PDE9A: variants seen among roughly 807,000 people sequenced by gnomAD.
The protein encoded by PDE9A is phosphodiesterase 9A.
In PDE9A, 60 loss-of-function variants were observed where a neutral mutation model predicts 87.4. That is an observed-to-expected ratio of 0.69 (90% CI 0.56 to 0.85). The LOEUF (loss-of-function observed/expected upper bound fraction) is 0.85. PDE9A is among the 40% of genes least tolerant of loss of function. PDE9A has a pLI of 0.00. For synonymous variants in PDE9A, 272 were observed against 279.4 expected (o/e 0.97, Z 0.27); for missense variants, 665 against 779.0 (o/e 0.85, Z 1.74).
At chr21:42,693,291 C>T (rs1464881589) in intron 3 of PDE9A, among the ~76,000 whole-genome samples, 1 of 146,554 alleles carries the variant, frequency 6.8e-6, no homozygotes, top group Non-Finnish European at 1.5e-5. Context: ...TTGCAACCAC[C>T]CAGGAATCTT....
chr21:42,684,619 G>A (rs1028519951), intron 1 of PDE9A, among the ~76,000 whole-genome samples: 1 of 152,236 alleles, frequency 6.6e-6, no homozygotes, highest in South Asian at 2.1e-4. Context: ...GGGAGCTCTG[G>A]GAGGAGCCAG....
intron 19 of PDE9A, among the ~76,000 whole-genome samples, chr21:42,773,673 T>C (rs369745693): frequency 7.5e-4 from 113 of 150,250 alleles, no homozygotes; most frequent in African/African-American, 2.2e-3. Context: ...TGGTGGCGGG[T>C]GCCTGTAGTC....
chr21:42,734,812 G>A (rs1242324013), intron 7 of PDE9A: 1 of 152,210 alleles, frequency 6.6e-6, no homozygotes, highest in African/African-American at 2.4e-5. Flanking sequence ...CCACAGAGAG[G>A]TTAGGTAACC....
rs920665897 is a variant in PDE9A, at chr21:42,743,868, C to A, written c.653+8C>A. 40 of 1,549,248 alleles carry A rather than the reference C, an allele frequency of 2.6e-5. No individual in the cohort carries two copies. Among genetic ancestry groups the A allele is most frequent in the Non-Finnish European group, 3.2e-5 (36 of 1,138,888 alleles). On this transcript the variant is annotated splice_region_variant and intron_variant, in intron 8 of 19. Transcript: ENST00000291539. Reference sequence around the variant, plus strand: ...GGCGGCCAGAAGCAGCAGGTAGGGTCTGCGCTGGGGCCACGGGCGGCCGGG... The same window carrying A: ...GGCGGCCAGAAGCAGCAGGTAGGGTATGCGCTGGGGCCACGGGCGGCCGGG...
chr21:42,662,502 C>T (rs1182942989), intron 1 of PDE9A, among the ~76,000 whole-genome samples: 1 of 151,380 alleles, frequency 6.6e-6, no homozygotes, highest in Non-Finnish European at 1.5e-5. Flanking sequence ...ACATGCACAT[C>T]ACACACACGC....
intron 4 of PDE9A, among the ~76,000 whole-genome samples, chr21:42,718,476 T>C (rs145442456): frequency 6.6e-6 from 1 of 151,932 alleles, no homozygotes; most frequent in East Asian, 1.9e-4. Flanking sequence ...AATCTTTTTT[T>C]TCTTTGCCCT....
chr21:42,760,953 G>A lies in PDE9A; in HGVS notation c.1085+46G>A, dbSNP rs1351049457. 1 of 1,235,640 alleles carries A rather than the reference G, an allele frequency of 8.1e-7. No homozygotes were observed. Among genetic ancestry groups the A allele is most frequent in the Non-Finnish European group, 1.2e-6 (1 of 835,740 alleles). 76.5% of individuals were successfully genotyped at this position (1,235,640 alleles called of 1,614,324 possible). A position where few individuals can be genotyped will look rare whatever the true frequency, so the allele number is the denominator to read the frequency against. ...TTTTTTCCTTTTAAAAGGCACCCTG[G>A]CTACTGGAGGGAACCTGTCAGCCCA... On this transcript the variant is annotated intron_variant, in intron 13 of 19. Coordinates refer to ENST00000291539, the MANE Select transcript of PDE9A (RefSeq NM_002606.3). This position sits in a 1 kb window ranked among gnomAD's most constrained non-coding sequence, Gnocchi z 5.2.
chr21:42,752,987 A>G (rs2401096), intron 9 of PDE9A, among the ~76,000 whole-genome samples: 152,088 of 152,180 alleles, frequency 1, 75,999 homozygotes, highest in Non-Finnish European at 1. Flanking sequence ...TTTTACCCCC[A>G]CACTTCACTT....
At chr21:42,657,763 T>C (rs1206600957) in intron 1 of PDE9A, among the ~76,000 whole-genome samples, 1 of 152,134 alleles carries the variant, frequency 6.6e-6, no homozygotes, top group Non-Finnish European at 1.5e-5. Context: ...GACTGAATGC[T>C]CCGGGGCCTC....
chr21:42,672,482 C>T (rs1402484229), intron 1 of PDE9A, among the ~76,000 whole-genome samples: 1 of 152,230 alleles, frequency 6.6e-6, no homozygotes, highest in Non-Finnish European at 1.5e-5. Flanking sequence ...AGTCACACAA[C>T]ATAAAACCAC....
At chr21:42,686,647 T>C (rs1016408687) in intron 2 of PDE9A, among the ~76,000 whole-genome samples, 4 of 152,140 alleles carry the variant, frequency 2.6e-5, no homozygotes, top group African/African-American at 9.7e-5. Context: ...AAATCTTGTC[T>C]CTACTAAAAA....
At chr21:42,736,157 T>TC (rs1569221263) in intron 7 of PDE9A, among the ~76,000 whole-genome samples, 1 of 151,478 alleles carries the variant, frequency 6.6e-6, no homozygotes, top group African/African-American at 2.4e-5. Context: ...CAGTGCCAGC[T>TC]CCCCCCATGC....
chr21:42,663,499 G>A (rs143949990), intron 1 of PDE9A, among the ~76,000 whole-genome samples: 168 of 152,324 alleles, frequency 1.1e-3, no homozygotes, highest in Admixed American at 2.5e-3. Context: ...TATACGTGCC[G>A]GAAGGGTGAA....
At chr21:42,661,144 G>A (rs1194253139) in intron 1 of PDE9A, among the ~76,000 whole-genome samples, 1 of 151,218 alleles carries the variant, frequency 6.6e-6, no homozygotes, top group Non-Finnish European at 1.5e-5. Context: ...GAATTCTCCT[G>A]CCTCAGCCTC....
chr21:42,657,892 G>A (rs1412411270), intron 1 of PDE9A, among the ~76,000 whole-genome samples: 1 of 152,246 alleles, frequency 6.6e-6, no homozygotes, highest in Non-Finnish European at 1.5e-5. Flanking sequence ...CTGGAACCCA[G>A]GTCTGAACAC....
chr21:42,670,357 T>C (rs1213183534), intron 1 of PDE9A, among the ~76,000 whole-genome samples: 10 of 129,820 alleles, frequency 7.7e-5, no homozygotes, highest in African/African-American at 3.0e-4. Flanking sequence ...TACACACACA[T>C]CCACACACAC....
intron 1 of PDE9A, among the ~76,000 whole-genome samples, chr21:42,684,144 A>G (rs1393472399): frequency 6.6e-6 from 1 of 152,264 alleles, no homozygotes; most frequent in African/African-American, 2.4e-5. Flanking sequence ...CGGGGCCAGA[A>G]GCACGCTTTG....
intron 1 of PDE9A, among the ~76,000 whole-genome samples, chr21:42,683,361 G>A (rs965853318): frequency 6.6e-6 from 1 of 152,228 alleles, no homozygotes; most frequent in African/African-American, 2.4e-5. Flanking sequence ...CATGGGGCTC[G>A]AAGCTTCTGC....
chr21:42,721,054 G>A (rs1275082438), intron 4 of PDE9A, among the ~76,000 whole-genome samples: 1 of 151,600 alleles, frequency 6.6e-6, no homozygotes, highest in Non-Finnish European at 1.5e-5. Context: ...ACCTAGAACA[G>A]CACCCAGAGC....
Sources: allele counts gnomAD v4.1 joint callset (sites outside exome capture counted in the v4.1 genomes callset), GRCh38; gene constraint gnomAD v4.1.1; non-coding constraint Gnocchi (gnomAD v3.1); transcripts MANE v1.5; gene names NCBI Gene and HGNC (gene_info 2026-07-23, HGNC 2026-07-21).